The following TTC28 variants were observed in gnomAD, a reference collection of about 807,000 sequenced individuals.
TTC28 encodes tetratricopeptide repeat domain 28.
Under a neutral mutation model 198.0 loss-of-function variants are expected in TTC28, and 61 were observed. That is an observed-to-expected ratio of 0.31 (90% CI 0.25 to 0.38). The LOEUF (loss-of-function observed/expected upper bound fraction) is 0.38. Ranked by LOEUF, TTC28 falls within the 10% of genes least tolerant of loss-of-function variation. TTC28 has a pLI of 1.00. For missense variants in TTC28, 2,678 were observed against 3,164.0 expected (o/e 0.85, Z 3.69); for synonymous variants, 1,171 against 1,297.8 (o/e 0.90, Z 2.10).
intron 2 of TTC28, among the ~76,000 whole-genome samples, chr22:28,336,113 T>C (rs1235691282): frequency 6.6e-6 from 1 of 152,244 alleles, no homozygotes; most frequent in African/African-American, 2.4e-5. Context: ...GTTTTTGTCA[T>C]TGCTTCTGTT....
intron 1 of TTC28, among the ~76,000 whole-genome samples, 154 bp from the exon 2 acceptor site, chr22:28,629,984 G>A (rs921352587): frequency 1.3e-5 from 2 of 152,108 alleles, no homozygotes; most frequent in African/African-American, 4.8e-5. Flanking sequence ...TAGGTCATAG[G>A]AGTAAATCCC....
chr22:28,648,259 T>G (rs1436730901), intron 1 of TTC28, among the ~76,000 whole-genome samples: 2 of 140,958 alleles, frequency 1.4e-5, no homozygotes, highest in Admixed American at 7.2e-5. Context: ...ACATCAGTAA[T>G]CATCAGGGAA....
chr22:28,015,442 A>T (rs1209891668), intron 13 of TTC28, among the ~76,000 whole-genome samples: 1 of 148,122 alleles, frequency 6.8e-6, no homozygotes, highest in Non-Finnish European at 1.5e-5. Context: ...AAAAAAAAAA[A>T]GACAAATTGT....
At chr22:28,080,190 A>G (rs1487638434) in intron 12 of TTC28, among the ~76,000 whole-genome samples, 2 of 152,126 alleles carry the variant, frequency 1.3e-5, no homozygotes, top group Non-Finnish European at 2.9e-5. Flanking sequence ...TCATGTTTTC[A>G]ATTCTTTTGT....
chr22:28,497,492 A>G (rs1441328595), intron 2 of TTC28, among the ~76,000 whole-genome samples: 1 of 152,020 alleles, frequency 6.6e-6, no homozygotes, highest in Non-Finnish European at 1.5e-5. Flanking sequence ...AAACTTTTTT[A>G]AAAACACGGA....
intron 2 of TTC28, among the ~76,000 whole-genome samples, chr22:28,359,913 T>C (rs1357761247): frequency 3.9e-5 from 6 of 152,060 alleles, no homozygotes; most frequent in Non-Finnish European, 8.8e-5. Context: ...CATGACATTA[T>C]AAAAATACCA....
intron 6 of TTC28, among the ~76,000 whole-genome samples, chr22:28,161,761 G>C (rs1010815477): frequency 2.8e-5 from 4 of 143,948 alleles, no homozygotes; most frequent in Non-Finnish European, 6.1e-5. Context: ...GACAGGAAAG[G>C]AAAGGAGGAA....
At chr22:28,335,912 G>C (rs1295768049) in intron 2 of TTC28, among the ~76,000 whole-genome samples, 3 of 152,186 alleles carry the variant, frequency 2.0e-5, no homozygotes, top group African/African-American at 4.8e-5. Flanking sequence ...TCCCTGTCTT[G>C]TGCCAGTTTT....
intron 14 of TTC28, among the ~76,000 whole-genome samples, chr22:28,011,415 G>A (rs572639685): frequency 6.6e-6 from 1 of 152,286 alleles, no homozygotes; most frequent in African/African-American, 2.4e-5. Context: ...GGGCAACATG[G>A]TGAAACCCTG....
intron 12 of TTC28, among the ~76,000 whole-genome samples, chr22:28,048,801 C>T (rs1198568857): frequency 3.9e-5 from 6 of 152,132 alleles, no homozygotes; most frequent in Non-Finnish European, 8.8e-5. Context: ...CAGTGGGCCA[C>T]CTCCCTGCCT....
chr22:28,265,481 G>A, intron 5 of TTC28, among the ~76,000 whole-genome samples: 1 of 152,134 alleles, frequency 6.6e-6, no homozygotes, highest in East Asian at 1.9e-4. Context: ...AATATCACTT[G>A]TATCTGCGGC....
At chr22:28,153,978 T>C (rs532012289) in intron 6 of TTC28, among the ~76,000 whole-genome samples, 3 of 152,196 alleles carry the variant, frequency 2.0e-5, no homozygotes, top group Non-Finnish European at 4.4e-5. Context: ...CCTTTGTATC[T>C]ATGGCAGGTG....
At chr22:28,643,633 A>C (rs1195322387) in intron 1 of TTC28, among the ~76,000 whole-genome samples, 2 of 152,182 alleles carry the variant, frequency 1.3e-5, no homozygotes, top group Non-Finnish European at 2.9e-5. Context: ...TTATGTCTTA[A>C]GATTTGAAAC....
Position 28,094,265 on chromosome 22 carries a change from G to A in TTC28, c.3767-20C>T. 6.5e-7 allele frequency: 1 copy of A among 1,535,374 alleles called. No homozygotes were observed. Among genetic ancestry groups the A allele is most frequent in the South Asian group, 1.2e-5 (1 of 80,860 alleles). The stretch of plus-strand genomic sequence containing the variant: ...CAATTCCTGAAGCAAAACAGGCACA[G>A]CCAACATTATACACAATTAGGGTCA... On this transcript the variant is annotated intron_variant, in intron 11 of 22. Transcript: ENST00000397906.
chr22:28,417,299 C>CT (rs1174400659), intron 2 of TTC28, among the ~76,000 whole-genome samples: 12 of 77,042 alleles, frequency 1.6e-4, no homozygotes, highest in Admixed American at 1.5e-3. Flanking sequence ...CCTGTCTCTA[C>CT]TAAAAAAAAA....
chr22:28,445,750 T>C (rs1328172167), intron 2 of TTC28, among the ~76,000 whole-genome samples: 1 of 152,116 alleles, frequency 6.6e-6, no homozygotes, highest in Non-Finnish European at 1.5e-5. Context: ...AGAAAGGCTG[T>C]CTCTCACAAT....
chr22:28,354,080 G>A (rs997284424), intron 2 of TTC28, among the ~76,000 whole-genome samples: 14 of 152,234 alleles, frequency 9.2e-5, no homozygotes, highest in South Asian at 2.1e-4. Context: ...TGCACCACAC[G>A]TAGGAATGGA....
At chr22:28,231,608 T>A (rs559998268) in intron 5 of TTC28, among the ~76,000 whole-genome samples, 1 of 152,314 alleles carries the variant, frequency 6.6e-6, no homozygotes, top group East Asian at 1.9e-4. Flanking sequence ...ATGTGGGTTG[T>A]GGAATGTTAG....
chr22:28,466,180 GACTTA>G (rs1381118297), intron 2 of TTC28, among the ~76,000 whole-genome samples: 3 of 152,154 alleles, frequency 2.0e-5, no homozygotes, highest in African/African-American at 4.8e-5. Context: ...TGAGCCCCAG[GACTTA>G]ACTTGTTACC....
Sources: allele counts gnomAD v4.1 joint callset (sites outside exome capture counted in the v4.1 genomes callset), GRCh38; gene constraint gnomAD v4.1.1; transcripts MANE v1.5; gene names NCBI Gene and HGNC (gene_info 2026-07-23, HGNC 2026-07-21).